Variants in NRXN1 observed in about 807,000 individuals in gnomAD.
NRXN1 encodes neurexin-1.
Under a neutral mutation model 150.9 loss-of-function variants are expected in NRXN1, and 39 were observed. The observed-to-expected ratio is 0.26, with a 90% confidence interval of 0.20 to 0.34. NRXN1 has a LOEUF of 0.34. Ranked by LOEUF, NRXN1 falls within the 10% of genes least tolerant of loss-of-function variation. The pLI is 1.00. For synonymous variants in NRXN1, 924 were observed against 757.0 expected, an observed-to-expected ratio of 1.22 and a Z score of -3.62; for missense variants, 1,815 against 1,949.9, an observed-to-expected ratio of 0.93 and a Z score of 1.30.
chr2:50,059,408 G>A lies in NRXN1; in HGVS notation c.3719-4364C>T, dbSNP rs562639871. Among the ~76,000 whole-genome samples the A allele has an allele frequency of 6.6e-5, 10 of 152,276 alleles. No individual in the cohort carries two copies. The South Asian group carries it at 2.1e-3, about 32-fold the overall frequency. On this transcript the variant is annotated intron_variant, in intron 19 of 22. Coordinates refer to ENST00000401669, the MANE Select transcript of NRXN1 (RefSeq NM_001330078.2). ...AGTTTTATTCATTTATAAAGATACAGTTTGGAATTGGAACTTATGTTTAAA... is the reference window on the plus strand; with the variant it reads ...AGTTTTATTCATTTATAAAGATACAATTTGGAATTGGAACTTATGTTTAAA...
chr2:49,959,943 G>A (rs1444416426), intron 21 of NRXN1, among the ~76,000 whole-genome samples: 1 of 152,174 alleles, frequency 6.6e-6, no homozygotes, highest in Non-Finnish European at 1.5e-5. Flanking sequence ...AAGCCAAACA[G>A]TGCATGAAGA....
chr2:50,086,637 CCTT>C (rs1193725318), intron 19 of NRXN1, among the ~76,000 whole-genome samples: 1 of 152,180 alleles, frequency 6.6e-6, no homozygotes, highest in Non-Finnish European at 1.5e-5. Context: ...TCTGGATCCT[CCTT>C]ATCTCCCAAT....
chr2:50,414,739 T>A (rs879581864), intron 17 of NRXN1, among the ~76,000 whole-genome samples: 3 of 151,758 alleles, frequency 2.0e-5, no homozygotes, highest in Non-Finnish European at 4.4e-5. Flanking sequence ...AAAAGGAGAG[T>A]GTTTTGAGGT....
At chr2:50,291,558 C>T (rs1486200681) in intron 17 of NRXN1, among the ~76,000 whole-genome samples, 1 of 152,114 alleles carries the variant, frequency 6.6e-6, no homozygotes, top group Non-Finnish European at 1.5e-5. Flanking sequence ...CTGAAAAAGC[C>T]ATCCTCCCAT....
In NRXN1 at chr2:50,113,962, G is replaced by T. The variant is rs1702702195; in HGVS notation, c.3547-22468C>A. On this transcript the variant is annotated intron_variant, in intron 18 of 22. Coordinates refer to ENST00000401669, the MANE Select transcript of NRXN1 (RefSeq NM_001330078.2). ...ATAGAAGATACAAAACAAACTAAGG[G>T]TCTGTTCCCTGTTTGGAAGGTAAGA... Among the ~76,000 whole-genome samples, 7 of 152,188 alleles carry T rather than the reference G, an allele frequency of 4.6e-5. No homozygotes were observed. In the South Asian group the frequency reaches 1.5e-3, roughly 32 times the overall value.
At chr2:50,648,382 G>A (rs1685122753) in intron 5 of NRXN1, among the ~76,000 whole-genome samples, 1 of 151,934 alleles carries the variant, frequency 6.6e-6, no homozygotes, top group South Asian at 2.1e-4. Flanking sequence ...TTTTTAGCCA[G>A]GCTGACAAAA....
chr2:50,753,495 G>A (rs1000067763), intron 5 of NRXN1, among the ~76,000 whole-genome samples: 62 of 151,944 alleles, frequency 4.1e-4, no homozygotes, highest in Middle Eastern at 3.4e-3. Context: ...TCCCATGCAC[G>A]GTTGATTTTC....
chr2:51,009,708 T>A lies in NRXN1; in HGVS notation c.772+17794A>T, dbSNP rs1459454533. Among the ~76,000 whole-genome samples the A allele has an allele frequency of 1.3e-5, 2 of 151,966 alleles. 1 individual carries two copies. The highest frequency in any genetic ancestry group is 2.9e-5 in the Non-Finnish European group (2 of 67,940). On this transcript the variant is annotated intron_variant, in intron 2 of 22. Transcript: ENST00000401669. ...GAAAGAATGATAATATACCTTACTA[T>A]GAAACCAATTTGAGACACAACACTG...
chr2:50,415,285 C>A (rs182582669), intron 17 of NRXN1, among the ~76,000 whole-genome samples: 1 of 152,280 alleles, frequency 6.6e-6, no homozygotes, highest in African/African-American at 2.4e-5. Flanking sequence ...AATGCACTTT[C>A]CCTTTCACAG....
intron 5 of NRXN1, among the ~76,000 whole-genome samples, chr2:50,626,874 A>T (rs11681983): frequency 0.21 from 31,532 of 151,770 alleles, 4,092 homozygotes; most frequent in East Asian, 0.38. Flanking sequence ...AGAATATGCC[A>T]AGCACCTCAG....
intron 18 of NRXN1, among the ~76,000 whole-genome samples, chr2:50,163,952 T>C (rs1344722904): frequency 6.6e-6 from 1 of 152,180 alleles, no homozygotes; most frequent in African/African-American, 2.4e-5. Flanking sequence ...CATTACTTGC[T>C]TCTTTGGAAA....
intron 22 of NRXN1, among the ~76,000 whole-genome samples, chr2:49,932,290 G>T (rs1013601560): frequency 5.3e-5 from 8 of 152,168 alleles, no homozygotes; most frequent in South Asian, 2.1e-4. Flanking sequence ...GCATGGTGGC[G>T]CATGCCTGTA....
intron 17 of NRXN1, among the ~76,000 whole-genome samples, chr2:50,340,325 A>G (rs1412612240): frequency 3.3e-5 from 5 of 152,246 alleles, no homozygotes; most frequent in Non-Finnish European, 7.3e-5. Flanking sequence ...GGCCATTACA[A>G]GCTTCTATGT....
chr2:50,765,345 G>A (rs1378052964), intron 5 of NRXN1, among the ~76,000 whole-genome samples: 3 of 152,028 alleles, frequency 2.0e-5, no homozygotes, highest in African/African-American at 4.8e-5. Flanking sequence ...AGGCAGAGGG[G>A]AAACAGGAGC....
chr2:50,160,813 A>G (rs1461639549), intron 18 of NRXN1, among the ~76,000 whole-genome samples: 1 of 152,160 alleles, frequency 6.6e-6, no homozygotes, highest in Admixed American at 6.5e-5. Context: ...AAAGAAAAAA[A>G]TTCTATAATG....
intron 2 of NRXN1, among the ~76,000 whole-genome samples, chr2:50,988,805 G>A (rs1698105313): frequency 6.6e-6 from 1 of 151,934 alleles, no homozygotes; most frequent in South Asian, 2.1e-4. Flanking sequence ...GTATGAGGGT[G>A]CCTAAATTAT....
chr2:50,185,100 T>G (rs1018680650), intron 18 of NRXN1, among the ~76,000 whole-genome samples: 1 of 152,028 alleles, frequency 6.6e-6, no homozygotes. Context: ...GGGAAAGTGA[T>G]GGGGAGAATG....
At chr2:50,178,897 A>C (rs984385076) in intron 18 of NRXN1, among the ~76,000 whole-genome samples, 1 of 152,210 alleles carries the variant, frequency 6.6e-6, no homozygotes, top group Non-Finnish European at 1.5e-5. Flanking sequence ...AAAATGGGGA[A>C]TCCAAGAACA....
At chr2:50,171,278 TTA>T (rs143884104) in intron 18 of NRXN1, among the ~76,000 whole-genome samples, 29 of 150,918 alleles carry the variant, frequency 1.9e-4, no homozygotes, top group East Asian at 3.9e-4. Flanking sequence ...AGAGAGCATT[TTA>T]TATATATATA....
Sources: gnomAD v4.1 joint callset for allele counts (sites outside exome capture counted in the v4.1 genomes callset) on GRCh38, gnomAD v4.1.1 for gene constraint, MANE v1.5 for transcripts, NCBI Gene and HGNC (gene_info 2026-07-23, HGNC 2026-07-21) for gene names.